HIBADH: variants seen among roughly 807,000 people sequenced by gnomAD.
HIBADH encodes 3-hydroxyisobutyrate dehydrogenase.
A neutral mutation model predicts 36.1 loss-of-function variants in HIBADH; 25 were observed. The observed-to-expected ratio is 0.69, with a 90% CI of 0.50 to 0.97. The LOEUF (loss-of-function observed/expected upper bound fraction) is 0.97, where lower values mean the gene tolerates loss of function less well. Ranked by LOEUF, HIBADH falls within the 50% of genes least tolerant of loss-of-function variation. HIBADH has a pLI of 0.00. For synonymous variants in HIBADH, 160 were observed against 149.5 expected (o/e 1.07, Z -0.51); for missense variants, 421 against 418.0 (o/e 1.01, Z -0.06).
intron 4 of HIBADH, among the ~76,000 whole-genome samples, chr7:27,561,375 TA>T (rs1298521862): frequency 2.0e-5 from 3 of 151,978 alleles, no homozygotes; most frequent in East Asian, 1.9e-4. Context: ...CTTATTTGAC[TA>T]AAAAAAATAA....
At chr7:27,631,431 A>C (rs1410198741) in intron 3 of HIBADH, among the ~76,000 whole-genome samples, 1 of 152,232 alleles carries the variant, frequency 6.6e-6, no homozygotes, top group Non-Finnish European at 1.5e-5. Context: ...CACATATTAC[A>C]GTTTCCTGAA....
intron 4 of HIBADH, among the ~76,000 whole-genome samples, chr7:27,621,863 AAAG>A (rs1324652053): frequency 7.9e-5 from 12 of 152,186 alleles, no homozygotes; most frequent in Non-Finnish European, 1.5e-5. Context: ...AAATTAATAC[AAAG>A]AAGAATTCTA....
intron 2 of HIBADH, among the ~76,000 whole-genome samples, chr7:27,637,959 T>C (rs960375014): frequency 6.6e-6 from 1 of 152,198 alleles, no homozygotes; most frequent in African/African-American, 2.4e-5. Flanking sequence ...TCCATGCTCA[T>C]GGATAGGAAT....
chr7:27,572,906 C>G (rs1784649096), intron 4 of HIBADH, among the ~76,000 whole-genome samples: 1 of 151,888 alleles, frequency 6.6e-6, no homozygotes, highest in African/African-American at 2.4e-5. Context: ...TTAAAATGTT[C>G]AAAATTCCAA....
intron 2 of HIBADH, among the ~76,000 whole-genome samples, chr7:27,638,886 T>C (rs1001003644): frequency 6.6e-6 from 1 of 151,986 alleles, no homozygotes; most frequent in African/African-American, 2.4e-5. Flanking sequence ...AAAACCACAA[T>C]GAGATACAAT....
At chr7:27,592,115 A>C (rs1281142830) in intron 4 of HIBADH, among the ~76,000 whole-genome samples, 2 of 152,202 alleles carry the variant, frequency 1.3e-5, no homozygotes, top group African/African-American at 2.4e-5. Context: ...AATCTCTATT[A>C]ATCTTTTAAA....
chr7:27,655,216 A>G (rs1306303113), intron 1 of HIBADH, among the ~76,000 whole-genome samples: 1 of 152,222 alleles, frequency 6.6e-6, no homozygotes, highest in Non-Finnish European at 1.5e-5. Flanking sequence ...GACTTTAAAA[A>G]AAAGCTAGCC....
rs183881924 is a variant in HIBADH, at chr7:27,624,472, T to G, written c.484+4899A>C. Among the ~76,000 whole-genome samples the G allele has an allele frequency of 4.6e-5, 7 of 152,280 alleles. No homozygotes were observed. The East Asian group carries it at 1.2e-3, about 25-fold the overall frequency. The stretch of plus-strand genomic sequence containing the variant: ...CTATATAATTATGGAAATATCAACT[T>G]TATTGGCTGCATCAGTTATTTACTG... On this transcript the variant is annotated intron_variant, in intron 4 of 7. Coordinates refer to ENST00000265395, the MANE Select transcript of HIBADH (RefSeq NM_152740.4).
intron 4 of HIBADH, among the ~76,000 whole-genome samples, chr7:27,566,221 G>T (rs1784546327): frequency 6.6e-6 from 1 of 152,192 alleles, no homozygotes; most frequent in South Asian, 2.1e-4. Context: ...AGAAGAAATT[G>T]TGTAGAACTG....
intron 4 of HIBADH, among the ~76,000 whole-genome samples, chr7:27,605,924 T>C (rs1477087912): frequency 6.6e-6 from 1 of 152,190 alleles, no homozygotes; most frequent in Non-Finnish European, 1.5e-5. Flanking sequence ...TTTTGGAAAC[T>C]GAGCTGTTCT....
chr7:27,550,166 C>T (rs1393649778), intron 4 of HIBADH, among the ~76,000 whole-genome samples: 2 of 152,178 alleles, frequency 1.3e-5, no homozygotes, highest in African/African-American at 4.8e-5. Flanking sequence ...GCCTCGGCCT[C>T]CCAAAGTGCT....
intron 1 of HIBADH, among the ~76,000 whole-genome samples, chr7:27,659,691 C>G (rs1210786696): frequency 6.6e-6 from 1 of 152,032 alleles, no homozygotes; most frequent in Non-Finnish European, 1.5e-5. Flanking sequence ...CACTGCACTC[C>G]AGCCTGGACA....
chr7:27,613,147 T>TTTATATATA (rs1562643645), intron 4 of HIBADH, among the ~76,000 whole-genome samples: 1 of 120,626 alleles, frequency 8.3e-6, no homozygotes, highest in Non-Finnish European at 1.7e-5. Context: ...TATAAATATA[T>TTTATATATA]TTTATATAAA....
intron 4 of HIBADH, among the ~76,000 whole-genome samples, chr7:27,564,626 T>A (rs1409611271): frequency 6.6e-6 from 1 of 152,228 alleles, no homozygotes; most frequent in East Asian, 1.9e-4. Flanking sequence ...TCAAAATTGC[T>A]TTGGTTATTT....
intron 4 of HIBADH, among the ~76,000 whole-genome samples, chr7:27,586,426 A>C (rs1057122618): frequency 6.6e-6 from 1 of 151,938 alleles, no homozygotes; most frequent in African/African-American, 2.4e-5. Context: ...GGGTTGATTA[A>C]AGATGGTTTC....
intron 4 of HIBADH, among the ~76,000 whole-genome samples, chr7:27,600,198 CA>C (rs1387124236): frequency 1.3e-5 from 2 of 152,078 alleles, no homozygotes; most frequent in African/African-American, 4.8e-5. Flanking sequence ...TAGAATATAA[CA>C]ATCTACCCTT....
At chr7:27,544,121 T>C (rs946465216) in intron 4 of HIBADH, among the ~76,000 whole-genome samples, 1 of 152,222 alleles carries the variant, frequency 6.6e-6, no homozygotes, top group African/African-American at 2.4e-5. Flanking sequence ...GTCTGTAGTA[T>C]GTATCAAATC....
Position 27,573,638 on chromosome 7 carries a change from C to T in HIBADH, c.485-30538G>A, listed in dbSNP as rs116657502. Among the ~76,000 whole-genome samples the T allele has an allele frequency of 8.1e-3, 1,237 of 152,208 alleles. 11 individuals carry two copies. The highest frequency in any genetic ancestry group is 0.028 in the African/African-American group (1,146 of 41,524). On this transcript the variant is annotated intron_variant, in intron 4 of 7. Coordinates refer to ENST00000265395, the MANE Select transcript of HIBADH (RefSeq NM_152740.4). The stretch of plus-strand genomic sequence containing the variant: ...CAAACTTTGACAGGTAGTGCAGAAC[C>T]AGAATATGTCACTGGCTAAGAGAAA...
chr7:27,612,419 G>C (rs527715158), intron 4 of HIBADH, among the ~76,000 whole-genome samples: 1 of 150,450 alleles, frequency 6.6e-6, no homozygotes, highest in African/African-American at 2.4e-5. Flanking sequence ...TCTGCCTCCC[G>C]GGTTCAAACG....
Sources: gnomAD v4.1 joint callset for allele counts (sites outside exome capture counted in the v4.1 genomes callset) on GRCh38, gnomAD v4.1.1 for gene constraint, MANE v1.5 for transcripts, NCBI Gene and HGNC (gene_info 2026-07-23, HGNC 2026-07-21) for gene names.